The following BMP7 variants were observed in gnomAD, a reference collection of about 807,000 sequenced individuals.
BMP7 encodes the protein bone morphogenetic protein 7.
BMP7 carries 12 observed loss-of-function variants against 41.2 expected under a neutral mutation model. That is an observed-to-expected ratio of 0.29 (90% confidence interval 0.19 to 0.47). BMP7 has a LOEUF of 0.47. Among genes scored for constraint, BMP7 ranks in the 20% least tolerant of loss-of-function variants. The probability of loss-of-function intolerance (pLI) is 0.99; values close to 1 mark genes in which losing one functional copy is unlikely to be tolerated. For synonymous variants in BMP7, 248 were observed against 250.0 expected, an observed-to-expected ratio of 0.99 and a Z score of 0.07; for missense variants, 467 against 606.0, an observed-to-expected ratio of 0.77 and a Z score of 2.41.
chr20:57,208,458 G>A (rs1380326979), intron 2 of BMP7, among the ~76,000 whole-genome samples: 2 of 152,224 alleles, frequency 1.3e-5, no homozygotes, highest in African/African-American at 4.8e-5. Flanking sequence ...TGGCAAGGAT[G>A]TAGAGAAAGT....
At chr20:57,216,691 A>C (rs1985040381) in intron 2 of BMP7, among the ~76,000 whole-genome samples, 1 of 152,130 alleles carries the variant, frequency 6.6e-6, no homozygotes, top group African/African-American at 2.4e-5. Context: ...GGGTCAGAGA[A>C]AGTTCCCCGC....
In BMP7 at chr20:57,169,185, A is replaced by C. The variant is rs1305624285; in HGVS notation, c.*1774T>G. 1 of 152,216 alleles carries C rather than the reference A, an allele frequency of 6.6e-6. No homozygotes were observed. Among genetic ancestry groups the C allele is most frequent in the Non-Finnish European group, 1.5e-5 (1 of 68,046 alleles). 9.4% of individuals were successfully genotyped at this position (152,216 alleles called of 1,614,324 possible). Reference sequence around the variant, plus strand: ...GAGGCTGCAGCCCAAGCTACTAAAGAAGAAAAACATCAAAGAAAATAAAAA... The same window carrying C: ...GAGGCTGCAGCCCAAGCTACTAAAGCAGAAAAACATCAAAGAAAATAAAAA... On this transcript the variant is annotated 3_prime_UTR_variant, in exon 7 of 7. Coordinates refer to ENST00000395863, the MANE Select transcript of BMP7 (RefSeq NM_001719.3).
At chr20:57,258,225 G>T (rs2066141309) in intron 1 of BMP7, among the ~76,000 whole-genome samples, 1 of 152,330 alleles carries the variant, frequency 6.6e-6, no homozygotes, top group East Asian at 1.9e-4. Flanking sequence ...GGGAATTTAT[G>T]GAAAGTCTTG....
rs1424354833 is a variant in BMP7 at position 57,174,553 on chromosome 20, G to C, written c.1035+378C>G. On this transcript the variant is annotated intron_variant, in intron 5 of 6. Transcript: ENST00000395863. This position sits in a 1 kb window ranked among gnomAD's most constrained non-coding sequence, Gnocchi z 4.3. The stretch of plus-strand genomic sequence containing the variant: ...CTGGGCAGATCCGTCCCTCCCGTGG[G>C]AATGGGAATGGGGTAAATGAAGTCA... Among the ~76,000 whole-genome samples the C allele has an allele frequency of 1.3e-5, 2 of 152,174 alleles. No homozygotes were observed. Among genetic ancestry groups the C allele is most frequent in the Admixed American group, 1.3e-4 (2 of 15,286 alleles).
At chr20:57,241,598 G>A (rs1276515089) in intron 1 of BMP7, among the ~76,000 whole-genome samples, 1 of 152,134 alleles carries the variant, frequency 6.6e-6, no homozygotes, top group African/African-American at 2.4e-5. Flanking sequence ...TACCCGCCTG[G>A]CTCTCCAAGA....
intron 1 of BMP7, among the ~76,000 whole-genome samples, chr20:57,230,170 T>A (rs1408129907): frequency 6.6e-6 from 1 of 152,192 alleles, no homozygotes; most frequent in Non-Finnish European, 1.5e-5. Context: ...ATGACAGCTC[T>A]GCTTGTCACA....
At chr20:57,231,715 A>G (rs2066030087) in intron 1 of BMP7, among the ~76,000 whole-genome samples, 1 of 152,240 alleles carries the variant, frequency 6.6e-6, no homozygotes, top group African/African-American at 2.4e-5. Flanking sequence ...TCCCACAATC[A>G]TGCACAGGTG....
At chr20:57,211,666 C>T (rs1285528635) in intron 2 of BMP7, among the ~76,000 whole-genome samples, 1 of 152,142 alleles carries the variant, frequency 6.6e-6, no homozygotes, top group African/African-American at 2.4e-5. Context: ...GTCCTGATAA[C>T]AGGGGAGGCA....
chr20:57,191,913 T>C (rs1568709346), intron 3 of BMP7, among the ~76,000 whole-genome samples: 1 of 131,990 alleles, frequency 7.6e-6, no homozygotes. Context: ...ATACATACTA[T>C]ATATTATATA....
chr20:57,175,078 T>C (rs1480419045), intron 4 of BMP7, 71 bp from the exon 5 acceptor site: 8 of 1,465,000 alleles, frequency 5.5e-6, no homozygotes, highest in Non-Finnish European at 7.5e-6. Flanking sequence ...CAAAGTTCCC[T>C]CCATCTTAGG....
chr20:57,243,676 T>G (rs1325928940), intron 1 of BMP7, among the ~76,000 whole-genome samples: 1 of 152,064 alleles, frequency 6.6e-6, no homozygotes, highest in Non-Finnish European at 1.5e-5. Flanking sequence ...CTGGTAATTG[T>G]TAGACGTGCC....
Position 57,174,483 on chromosome 20 carries a change from C to T in BMP7, c.1035+448G>A, listed in dbSNP as rs991840060. On this transcript the variant is annotated intron_variant, in intron 5 of 6. Transcript: ENST00000395863. This position sits in a 1 kb window ranked among gnomAD's most constrained non-coding sequence, Gnocchi z 4.3. ...GCCATGTGCCAGTAACATGACCCCA[C>T]CCCTGAAACAGTTGACTGGTTCAGG... Among the ~76,000 whole-genome samples, 1 of 152,148 alleles carries T rather than the reference C, an allele frequency of 6.6e-6. No homozygotes were observed. Among genetic ancestry groups the T allele is most frequent in the Non-Finnish European group, 1.5e-5 (1 of 68,036 alleles).
rs1214616200 is a variant in BMP7 at position 57,174,563 on chromosome 20, G to A, written c.1035+368C>T. 2.0e-5 allele frequency among the ~76,000 whole-genome samples: 3 copies of A among 152,172 alleles called. No homozygotes were observed. The highest frequency in any genetic ancestry group is 4.2e-4 in the South Asian group (2 of 4,812). On this transcript the variant is annotated intron_variant, in intron 5 of 6. Coordinates refer to ENST00000395863, the MANE Select transcript of BMP7 (RefSeq NM_001719.3). This position sits in a 1 kb window ranked among gnomAD's most constrained non-coding sequence, Gnocchi z 4.3. The stretch of plus-strand genomic sequence containing the variant: ...CCGTCCCTCCCGTGGGAATGGGAAT[G>A]GGGTAAATGAAGTCAGAGGGCAGAG...
At chr20:57,212,122 C>T (rs924913867) in intron 2 of BMP7, among the ~76,000 whole-genome samples, 1 of 152,038 alleles carries the variant, frequency 6.6e-6, no homozygotes, top group Admixed American at 6.6e-5. Context: ...AATTAAGTGG[C>T]GTGAAGGAGG....
At chr20:57,248,656 T>C (rs557066564) in intron 1 of BMP7, among the ~76,000 whole-genome samples, 32 of 152,350 alleles carry the variant, frequency 2.1e-4, no homozygotes, top group South Asian at 4.1e-4. Flanking sequence ...ACAGTATCAC[T>C]GAGCTGCCCC....
At chr20:57,226,200 A>T (rs1441483877) in intron 2 of BMP7, among the ~76,000 whole-genome samples, 1 of 152,230 alleles carries the variant, frequency 6.6e-6, no homozygotes, top group Admixed American at 6.5e-5. Context: ...CCATGATGGG[A>T]CCAGGTGCCC....
chr20:57,252,900 C>A (rs964016786), intron 1 of BMP7, among the ~76,000 whole-genome samples: 2 of 152,186 alleles, frequency 1.3e-5, no homozygotes, highest in Admixed American at 6.5e-5. Flanking sequence ...TGGAGATACA[C>A]TTGGTTGTCA....
In BMP7 at chr20:57,171,366, A is replaced by C. The variant is rs1983812441; in HGVS notation, c.1147-258T>G. Among the ~76,000 whole-genome samples the C allele has an allele frequency of 6.6e-6, 1 of 152,226 alleles. No homozygotes were observed. Among genetic ancestry groups the C allele is most frequent in the South Asian group, 2.1e-4 (1 of 4,824 alleles). ...GGGGAAGGAAGGGGCCAGATCCGAC[A>C]TTCAGGACCAGGTAATTCTCTGTTG... On this transcript the variant is annotated intron_variant, in intron 6 of 6. Transcript: ENST00000395863. This position sits in a 1 kb window ranked among gnomAD's most constrained non-coding sequence, Gnocchi z 4.5.
intron 1 of BMP7, 40 bp downstream of exon 1, chr20:57,265,665 C>T (rs1387149402): frequency 6.4e-7 from 1 of 1,570,352 alleles, no homozygotes; most frequent in Admixed American, 1.8e-5. Flanking sequence ...CTCAAAGTGC[C>T]CCCGAAAGGA....
Sources: gnomAD v4.1 joint callset for allele counts (sites outside exome capture counted in the v4.1 genomes callset) on GRCh38, gnomAD v4.1.1 for gene constraint, Gnocchi (gnomAD v3.1) non-coding constraint, MANE v1.5 for transcripts, NCBI Gene and HGNC (gene_info 2026-07-23, HGNC 2026-07-21) for gene names.